Variants in LHFPL3 observed in about 807,000 individuals in gnomAD.
LHFPL3 encodes the protein LHFPL tetraspan subfamily member 3, also known as LHFPL tetraspan subfamily member 3 protein.
LHFPL3 carries 5 observed loss-of-function variants against 19.3 expected under a neutral mutation model. The ratio of observed to expected loss-of-function variants is 0.26; its 90% CI spans 0.14 to 0.54. The LOEUF is 0.54. Ranked by LOEUF, LHFPL3 falls within the 20% of genes least tolerant of loss-of-function variation. The probability of loss-of-function intolerance (pLI) is 0.94; values close to 1 mark genes in which losing one functional copy is unlikely to be tolerated. For synonymous variants in LHFPL3, 133 were observed against 126.2 expected, an observed-to-expected ratio of 1.05 and a Z score of -0.36; for missense variants, 249 against 307.4, an observed-to-expected ratio of 0.81 and a Z score of 1.42.
chr7:104,721,296 C>T (rs1356712751), intron 1 of LHFPL3, among the ~76,000 whole-genome samples: 1 of 152,076 alleles, frequency 6.6e-6, no homozygotes, highest in Non-Finnish European at 1.5e-5. Flanking sequence ...GGACAGAAAA[C>T]CAAACACCGC....
At chr7:104,879,243 C>T in intron 2 of LHFPL3, among the ~76,000 whole-genome samples, 1 of 152,054 alleles carries the variant, frequency 6.6e-6, no homozygotes, top group East Asian at 1.9e-4. Flanking sequence ...ATGCGAGACC[C>T]CATCTCTACA....
chr7:104,717,124 A>T (rs972983941), intron 1 of LHFPL3, among the ~76,000 whole-genome samples: 7 of 152,262 alleles, frequency 4.6e-5, no homozygotes, highest in African/African-American at 1.7e-4. Context: ...GGAAATTGGA[A>T]TCTTATCTTA....
intron 1 of LHFPL3, among the ~76,000 whole-genome samples, chr7:104,707,579 A>G (rs1009664999): frequency 6.6e-6 from 1 of 152,186 alleles, no homozygotes; most frequent in Non-Finnish European, 1.5e-5. Flanking sequence ...TGGGACCACA[A>G]GGAGGATGTT....
intron 1 of LHFPL3, among the ~76,000 whole-genome samples, chr7:104,396,354 AT>A (rs1179104682): frequency 6.6e-6 from 1 of 152,154 alleles, no homozygotes. Context: ...CAAAATAGCA[AT>A]GACACAAGAG....
chr7:104,352,019 C>T (rs995707853), intron 1 of LHFPL3, among the ~76,000 whole-genome samples: 2 of 151,928 alleles, frequency 1.3e-5, no homozygotes, highest in African/African-American at 4.8e-5. Flanking sequence ...GGCAACATAA[C>T]GAGACCCATC....
At chr7:104,598,445 G>A (rs926869392) in intron 1 of LHFPL3, among the ~76,000 whole-genome samples, 21 of 152,156 alleles carry the variant, frequency 1.4e-4, no homozygotes, top group Non-Finnish European at 2.4e-4. Flanking sequence ...GTATGATCTT[G>A]AAGACAAAGC....
At chr7:104,517,665 C>T (rs1336679045) in intron 1 of LHFPL3, among the ~76,000 whole-genome samples, 3 of 151,904 alleles carry the variant, frequency 2.0e-5, no homozygotes, top group African/African-American at 7.3e-5. Context: ...CACCACCATG[C>T]CAGGCTAATT....
intron 1 of LHFPL3, among the ~76,000 whole-genome samples, chr7:104,335,804 G>A (rs1188220117): frequency 1.3e-5 from 2 of 149,066 alleles, no homozygotes; most frequent in Non-Finnish European, 3.0e-5. Context: ...GGCCAGGCTA[G>A]TATATTGCAC....
chr7:104,465,370 G>A (rs144537496), intron 1 of LHFPL3, among the ~76,000 whole-genome samples: 179 of 152,286 alleles, frequency 1.2e-3, no homozygotes, highest in African/African-American at 3.8e-3. Context: ...CTGTTATCCA[G>A]TTCCAAAGTT....
intron 1 of LHFPL3, among the ~76,000 whole-genome samples, chr7:104,472,643 A>G (rs1792934094): frequency 6.6e-6 from 1 of 152,116 alleles, no homozygotes; most frequent in Non-Finnish European, 1.5e-5. Context: ...TATTATACCC[A>G]TTATTATGTA....
intron 1 of LHFPL3, among the ~76,000 whole-genome samples, chr7:104,539,495 T>C (rs1794446519): frequency 6.6e-6 from 1 of 152,176 alleles, no homozygotes; most frequent in Non-Finnish European, 1.5e-5. Flanking sequence ...TAATATCTTA[T>C]GTTGACTTCG....
In LHFPL3 at chr7:104,374,601, T is replaced by C. The variant is rs907344232; in HGVS notation, c.445+45377T>C. Among the ~76,000 whole-genome samples, 6 of 152,010 alleles carry C rather than the reference T, an allele frequency of 3.9e-5. No individual in the cohort carries two copies. In the East Asian group the frequency reaches 1.2e-3, roughly 29 times the overall value. ...AAATGGAGCACGGGTGGGAGACACA[T>C]GAAAAATGGAAATTAAGACACAGCA... is the stretch of plus-strand genomic sequence containing the variant. On this transcript the variant is annotated intron_variant, in intron 1 of 2. Transcript: ENST00000424859.
chr7:104,824,335 TA>T (rs1790759956), intron 2 of LHFPL3, among the ~76,000 whole-genome samples: 1 of 26,640 alleles, frequency 3.8e-5, no homozygotes, highest in African/African-American at 1.4e-4. Context: ...TTATATATAA[TA>T]TATATAATTA....
At chr7:104,721,963 G>A (rs1458868910) in intron 1 of LHFPL3, among the ~76,000 whole-genome samples, 1 of 152,144 alleles carries the variant, frequency 6.6e-6, no homozygotes, top group Non-Finnish European at 1.5e-5. Flanking sequence ...CCCTTGGTAT[G>A]TATCAGAAGC....
intron 1 of LHFPL3, among the ~76,000 whole-genome samples, chr7:104,445,949 T>A (rs1171330647): frequency 6.6e-6 from 1 of 151,094 alleles, no homozygotes; most frequent in East Asian, 1.9e-4. Context: ...ATATTTCATC[T>A]TCTACTGGGG....
At chr7:104,525,115 A>G (rs937198226) in intron 1 of LHFPL3, among the ~76,000 whole-genome samples, 8 of 152,202 alleles carry the variant, frequency 5.3e-5, no homozygotes, top group African/African-American at 1.9e-4. Flanking sequence ...TTCCCACTCA[A>G]GAGTTGAGCT....
At chr7:104,533,652 A>C (rs1322826156) in intron 1 of LHFPL3, among the ~76,000 whole-genome samples, 3 of 152,200 alleles carry the variant, frequency 2.0e-5, no homozygotes, top group African/African-American at 7.2e-5. Context: ...ACACAAAATC[A>C]GTGCCTACAC....
At chr7:104,512,896 C>A (rs192735453) in intron 1 of LHFPL3, among the ~76,000 whole-genome samples, 3 of 152,242 alleles carry the variant, frequency 2.0e-5, no homozygotes, top group Non-Finnish European at 4.4e-5. Context: ...GGCGATGAGG[C>A]AGCTCTTTTC....
intron 2 of LHFPL3, among the ~76,000 whole-genome samples, chr7:104,782,927 T>G (rs1179756765): frequency 6.6e-6 from 1 of 152,270 alleles, no homozygotes; most frequent in Non-Finnish European, 1.5e-5. Flanking sequence ...TTCCTGTGGA[T>G]GAACACAAGT....
Sources: gnomAD v4.1 joint callset for allele counts (sites outside exome capture counted in the v4.1 genomes callset) on GRCh38, gnomAD v4.1.1 for gene constraint, MANE v1.5 for transcripts, NCBI Gene and HGNC (gene_info 2026-07-23, HGNC 2026-07-21) for gene names.